Variants in SHISA9 observed in about 807,000 individuals in gnomAD.
SHISA9 encodes the protein protein shisa-9.
Under a neutral mutation model 38.0 loss-of-function variants are expected in SHISA9, and 13 were observed. That is an observed-to-expected ratio of 0.34 (90% CI 0.22 to 0.54). SHISA9 has a LOEUF of 0.54. Among genes scored for constraint, SHISA9 ranks in the 20% least tolerant of loss-of-function variants. The pLI is 0.91. For synonymous variants in SHISA9, 275 were observed against 242.0 expected, an observed-to-expected ratio of 1.14 and a Z score of -1.27; for missense variants, 538 against 575.8, an observed-to-expected ratio of 0.93 and a Z score of 0.67.
chr16:13,343,290 T>C, the SHISA9 span, among the ~76,000 whole-genome samples: 1 of 152,234 alleles, frequency 6.6e-6, no homozygotes, highest in Non-Finnish European at 1.5e-5. Context: ...AGAAATTATA[T>C]CTTATCTTCC....
At chr16:13,283,295 T>C in the SHISA9 span, among the ~76,000 whole-genome samples, 1 of 152,124 alleles carries the variant, frequency 6.6e-6, no homozygotes. Flanking sequence ...CCCCTGCAGA[T>C]CTTATTTGGG....
intron 3 of SHISA9, among the ~76,000 whole-genome samples, chr16:13,209,220 G>T (rs1055958864): frequency 6.6e-6 from 1 of 152,028 alleles, no homozygotes; most frequent in African/African-American, 2.4e-5. Context: ...AGTTATCTGC[G>T]GTCATCATTT....
At chr16:13,469,413 GAA>G in the SHISA9 span, among the ~76,000 whole-genome samples, 76 of 113,642 alleles carry the variant, frequency 6.7e-4, no homozygotes, top group South Asian at 5.3e-3. Context: ...AAGAAAGAAA[GAA>G]AGAAAGAAAA....
At chr16:13,276,640 T>C in the SHISA9 span, among the ~76,000 whole-genome samples, 4 of 152,124 alleles carry the variant, frequency 2.6e-5, no homozygotes, top group Non-Finnish European at 4.4e-5. Context: ...CACACTGTGG[T>C]TTTGATTTGC....
chr16:13,547,986 C>CA, the SHISA9 span, among the ~76,000 whole-genome samples: 1 of 151,964 alleles, frequency 6.6e-6, no homozygotes, highest in Non-Finnish European at 1.5e-5. Flanking sequence ...CTATAATATG[C>CA]AAAATAGCAT....
At chr16:13,018,452 T>C (rs1300448368) in intron 2 of SHISA9, among the ~76,000 whole-genome samples, 1 of 152,136 alleles carries the variant, frequency 6.6e-6, no homozygotes, top group Non-Finnish European at 1.5e-5. Context: ...CTGCTAGCAT[T>C]TGCCCAGCAC....
chr16:13,019,783 TCTTTCTTTC>T (rs2072804153), intron 2 of SHISA9, among the ~76,000 whole-genome samples: 1 of 122,076 alleles, frequency 8.2e-6, no homozygotes, highest in Admixed American at 8.3e-5. Flanking sequence ...TTTCTTTCTT[TCTTTCTTTC>T]TTTCTTTCTT....
In SHISA9 at chr16:12,913,218, C is replaced by T. The variant is rs1454446329; in HGVS notation, c.564-3470C>T. On this transcript the variant is annotated intron_variant, in intron 1 of 4. Transcript: ENST00000558583. Reference sequence around the variant, plus strand: ...TTTTTTTTGGCGGGGAGGAGGGGGACTGAGTTTCACTCTTGTTGCCCAGCC... The same window carrying T: ...TTTTTTTTGGCGGGGAGGAGGGGGATTGAGTTTCACTCTTGTTGCCCAGCC... 7.2e-5 allele frequency among the ~76,000 whole-genome samples: 11 copies of T among 152,236 alleles called. No homozygotes were observed. The South Asian group carries it at 1.9e-3, about 26-fold the overall frequency.
At chr16:13,481,530 C>A in the SHISA9 span, among the ~76,000 whole-genome samples, 1 of 152,242 alleles carries the variant, frequency 6.6e-6, no homozygotes, top group Non-Finnish European at 1.5e-5. Context: ...GCCTCCTCTC[C>A]TTTCTCCGTC....
the SHISA9 span, among the ~76,000 whole-genome samples, chr16:13,440,618 T>C: frequency 1.3e-5 from 2 of 152,186 alleles, no homozygotes; most frequent in Non-Finnish European, 2.9e-5. Context: ...AAAACCTGTG[T>C]GTGCTTTGAT....
the SHISA9 span, among the ~76,000 whole-genome samples, chr16:13,368,375 T>C: frequency 6.6e-6 from 1 of 152,100 alleles, no homozygotes; most frequent in Non-Finnish European, 1.5e-5. Context: ...AAATCAGATA[T>C]ACACAGTATC....
intron 4 of SHISA9, among the ~76,000 whole-genome samples, chr16:13,230,242 A>C (rs1330378839): frequency 1.3e-5 from 2 of 152,216 alleles, no homozygotes; most frequent in Non-Finnish European, 2.9e-5. Flanking sequence ...TGTCCAGTAC[A>C]TGGTGGGTAC....
At chr16:13,560,798 T>A in the SHISA9 span, among the ~76,000 whole-genome samples, 52 of 151,326 alleles carry the variant, frequency 3.4e-4, no homozygotes, top group African/African-American at 1.2e-3. Flanking sequence ...AGAGGCTATG[T>A]CACGGCCATG....
chr16:13,249,168 T>G, the SHISA9 span, among the ~76,000 whole-genome samples: 1 of 152,196 alleles, frequency 6.6e-6, no homozygotes, highest in South Asian at 2.1e-4. Flanking sequence ...TATACTTCAC[T>G]TTTCTGACTT....
At chr16:13,322,869 G>A in the SHISA9 span, among the ~76,000 whole-genome samples, 2 of 152,156 alleles carry the variant, frequency 1.3e-5, no homozygotes, top group African/African-American at 2.4e-5. Context: ...CATTATGGTT[G>A]TGGGAGATAC....
intron 2 of SHISA9, among the ~76,000 whole-genome samples, chr16:13,008,700 G>C (rs1463155889): frequency 1.6e-5 from 2 of 122,096 alleles, no homozygotes; most frequent in Admixed American, 2.2e-4. Context: ...TCTCTTTCCT[G>C]GCACCTTGTA....
At chr16:13,167,105 T>C (rs1418967823) in intron 2 of SHISA9, among the ~76,000 whole-genome samples, 6 of 139,898 alleles carry the variant, frequency 4.3e-5, no homozygotes, top group Non-Finnish European at 6.0e-5. Context: ...AGAGTTTCGC[T>C]CTTGTTGCCC....
chr16:13,181,267 T>TTATATA (rs1156705123), intron 2 of SHISA9, among the ~76,000 whole-genome samples: 110 of 79,964 alleles, frequency 1.4e-3, no homozygotes, highest in Non-Finnish European at 2.1e-3. Flanking sequence ...AAATAAAATT[T>TTATATA]TATATATATA....
chr16:12,955,696 C>A (rs1308804449), intron 2 of SHISA9, among the ~76,000 whole-genome samples: 2 of 150,572 alleles, frequency 1.3e-5, no homozygotes, highest in Non-Finnish European at 3.0e-5. Flanking sequence ...GGAGAATTGG[C>A]TAGCCATATG....
Sources: gnomAD v4.1 joint callset for allele counts (sites outside exome capture counted in the v4.1 genomes callset) on GRCh38, gnomAD v4.1.1 for gene constraint, MANE v1.5 for transcripts, NCBI Gene and HGNC (gene_info 2026-07-23, HGNC 2026-07-21) for gene names.